The following NRXN1 variants were observed in gnomAD, a reference collection of about 807,000 sequenced individuals.
NRXN1 encodes neurexin-1.
Under a neutral mutation model 150.9 loss-of-function variants are expected in NRXN1, and 39 were observed. That is an observed-to-expected ratio of 0.26 (90% CI 0.20 to 0.34). The LOEUF (loss-of-function observed/expected upper bound fraction) is 0.34. NRXN1 is among the 10% of genes least tolerant of loss of function. The pLI is 1.00. For missense variants in NRXN1, 1,815 were observed against 1,949.9 expected, an observed-to-expected ratio of 0.93 and a Z score of 1.30; for synonymous variants, 924 against 757.0, an observed-to-expected ratio of 1.22 and a Z score of -3.62.
chr2:50,297,623 A>G (rs1218369930), intron 17 of NRXN1, among the ~76,000 whole-genome samples: 1 of 152,200 alleles, frequency 6.6e-6, no homozygotes, highest in East Asian at 1.9e-4. Context: ...ATATTTCACA[A>G]CAGAAGTCTC....
chr2:50,801,515 T>A (rs1186633417), intron 5 of NRXN1, among the ~76,000 whole-genome samples: 1 of 152,140 alleles, frequency 6.6e-6, no homozygotes, highest in Non-Finnish European at 1.5e-5. Context: ...CAGGACTAAA[T>A]GCGAGGACTA....
At chr2:50,642,613 T>A (rs1684233938) in intron 5 of NRXN1, among the ~76,000 whole-genome samples, 1 of 152,036 alleles carries the variant, frequency 6.6e-6, no homozygotes, top group Non-Finnish European at 1.5e-5. Context: ...CATCTTAAAG[T>A]GAATGGTGAA....
intron 17 of NRXN1, among the ~76,000 whole-genome samples, chr2:50,345,332 C>G (rs995541280): frequency 6.6e-6 from 1 of 152,098 alleles, no homozygotes; most frequent in Non-Finnish European, 1.5e-5. Flanking sequence ...GAATTGTCCC[C>G]AGGTGGGAAA....
chr2:50,039,407 A>T (rs1361351894), intron 21 of NRXN1, among the ~76,000 whole-genome samples: 1 of 152,190 alleles, frequency 6.6e-6, no homozygotes, highest in Non-Finnish European at 1.5e-5. Flanking sequence ...CAGAGGTTGC[A>T]GTGAGCCGAG....
At chr2:50,497,310 C>A (rs760469060) in intron 14 of NRXN1, 23 bp downstream of exon 14, 1 of 1,431,370 alleles carries the variant, frequency 7.0e-7, no homozygotes, top group Non-Finnish European at 9.2e-7. Flanking sequence ...TATTTATTTG[C>A]TATTGAACAG....
chr2:50,282,715 G>A (rs1254893964), intron 17 of NRXN1, among the ~76,000 whole-genome samples: 8 of 152,102 alleles, frequency 5.3e-5, no homozygotes, highest in Non-Finnish European at 1.2e-4. Context: ...GAAATCAGAT[G>A]AATTCTTTGA....
chr2:50,126,623 T>A (rs1704625426), intron 18 of NRXN1, among the ~76,000 whole-genome samples: 1 of 152,152 alleles, frequency 6.6e-6, no homozygotes, highest in South Asian at 2.1e-4. Context: ...CAGAAAATAC[T>A]TGAAGCAAAT....
At chr2:50,828,288 C>G (rs1393324615) in intron 5 of NRXN1, among the ~76,000 whole-genome samples, 1 of 117,516 alleles carries the variant, frequency 8.5e-6, no homozygotes, top group Non-Finnish European at 1.8e-5. Context: ...CCCCCCACCT[C>G]CCTCCCGGAC....
chr2:50,316,254 T>G (rs1391923255), intron 17 of NRXN1, among the ~76,000 whole-genome samples: 1 of 152,004 alleles, frequency 6.6e-6, no homozygotes, highest in Non-Finnish European at 1.5e-5. Context: ...GGGGAAGTAT[T>G]AAGACATTTC....
At chr2:50,855,523 C>T (rs920583157) in intron 5 of NRXN1, among the ~76,000 whole-genome samples, 2 of 151,898 alleles carry the variant, frequency 1.3e-5, no homozygotes, top group Admixed American at 1.3e-4. Flanking sequence ...TTATCTTGGC[C>T]TCACTTTACC....
chr2:50,831,963 G>C (rs1397974166), intron 5 of NRXN1, among the ~76,000 whole-genome samples: 1 of 152,170 alleles, frequency 6.6e-6, no homozygotes. Context: ...AAAAAGAGCA[G>C]GGCTGAAATT....
At chr2:50,612,628 G>T (rs1285393931) in intron 8 of NRXN1, among the ~76,000 whole-genome samples, 2 of 152,136 alleles carry the variant, frequency 1.3e-5, no homozygotes, top group East Asian at 3.8e-4. Context: ...TTCAGCAAAA[G>T]CTCCTACTTT....
intron 5 of NRXN1, among the ~76,000 whole-genome samples, chr2:50,736,334 C>T (rs1698744267): frequency 6.6e-6 from 1 of 152,180 alleles, no homozygotes; most frequent in African/African-American, 2.4e-5. Context: ...CTAGGCCCAA[C>T]CTGCCTAAGG....
chr2:50,559,316 G>A (rs1668709583), intron 8 of NRXN1, among the ~76,000 whole-genome samples: 1 of 152,150 alleles, frequency 6.6e-6, no homozygotes, highest in South Asian at 2.1e-4. Context: ...AAAGAGCTCA[G>A]AAAAGGAAAT....
intron 22 of NRXN1, among the ~76,000 whole-genome samples, chr2:49,936,781 T>C (rs1483010250): frequency 6.7e-6 from 1 of 149,560 alleles, no homozygotes; most frequent in African/African-American, 2.5e-5. Flanking sequence ...TAAATACAAA[T>C]TGCTATATTC....
intron 19 of NRXN1, among the ~76,000 whole-genome samples, chr2:50,077,296 C>G (rs1382786731): frequency 1.3e-5 from 2 of 152,142 alleles, no homozygotes; most frequent in African/African-American, 4.8e-5. Flanking sequence ...TCTGTTACCT[C>G]TTCACCCCAA....
At chr2:50,689,427 A>T (rs906611610) in intron 5 of NRXN1, among the ~76,000 whole-genome samples, 3 of 152,226 alleles carry the variant, frequency 2.0e-5, no homozygotes, top group Non-Finnish European at 4.4e-5. Context: ...GCATACACCA[A>T]GACAATTTTA....
At chr2:50,531,166 G>T in intron 11 of NRXN1, 61 bp downstream of exon 11, 1 of 1,202,928 alleles carries the variant, frequency 8.3e-7, no homozygotes, top group Non-Finnish European at 1.1e-6. Context: ...ATCAATGTTT[G>T]CAGGCAAATT....
intron 5 of NRXN1, among the ~76,000 whole-genome samples, chr2:50,673,437 T>C (rs936184211): frequency 1.3e-5 from 2 of 152,110 alleles, no homozygotes; most frequent in African/African-American, 4.8e-5. Flanking sequence ...TTAAATTGCT[T>C]AATTTTTTCC....
Sources: allele counts gnomAD v4.1 joint callset (sites outside exome capture counted in the v4.1 genomes callset), GRCh38; gene constraint gnomAD v4.1.1; transcripts MANE v1.5; gene names NCBI Gene and HGNC (gene_info 2026-07-23, HGNC 2026-07-21).